The following KLF8 variants were observed in gnomAD, a reference collection of about 807,000 sequenced individuals.
The protein encoded by KLF8 is KLF transcription factor 8.
A neutral mutation model predicts 18.2 loss-of-function variants in KLF8; 10 were observed. The observed-to-expected ratio is 0.55, with a 90% CI of 0.34 to 0.93. The LOEUF (loss-of-function observed/expected upper bound fraction) is 0.93, where lower values mean the gene tolerates loss of function less well. KLF8 is among the 40% of genes least tolerant of loss of function. The pLI is 0.02. For missense variants in KLF8, 264 were observed against 277.9 expected (o/e 0.95, Z 0.36); for synonymous variants, 109 against 97.3 (o/e 1.12, Z -0.71).
chrX:56,218,754 A>T, the KLF8 span, among the ~76,000 whole-genome samples: 2 of 112,175 alleles, frequency 1.8e-5, no homozygotes, highest in East Asian at 5.6e-4. Flanking sequence ...CTTCTCAGAA[A>T]CTATCCACTC....
chrX:55,988,071 GTT>G, the KLF8 span, among the ~76,000 whole-genome samples: 1 of 111,641 alleles, frequency 9.0e-6, no homozygotes, highest in Admixed American at 9.5e-5. Flanking sequence ...TTGTAAATTT[GTT>G]TGAGTTCATT....
the KLF8 span, among the ~76,000 whole-genome samples, chrX:55,991,286 G>C: frequency 1.8e-5 from 2 of 112,262 alleles, no homozygotes; most frequent in African/African-American, 6.5e-5. Context: ...GGCTCTGTGG[G>C]CGTAGGACCC....
At chrX:55,939,439 T>G in the KLF8 span, among the ~76,000 whole-genome samples, 2 of 110,654 alleles carry the variant, frequency 1.8e-5, no homozygotes, top group South Asian at 7.7e-4. Flanking sequence ...GATCTAAAAT[T>G]GACACCCTAA....
At chrX:56,186,857 T>A in the KLF8 span, among the ~76,000 whole-genome samples, 1 of 111,947 alleles carries the variant, frequency 8.9e-6, no homozygotes, top group South Asian at 3.7e-4. Context: ...TACCAGAATC[T>A]CTGGGCATAT....
chrX:56,076,053 G>A, the KLF8 span, among the ~76,000 whole-genome samples: 141 of 109,424 alleles, frequency 1.3e-3, no homozygotes, highest in Middle Eastern at 0.019. Context: ...GTGAGAATAT[G>A]CAGTGTTTGG....
At chrX:56,102,272 T>G in the KLF8 span, among the ~76,000 whole-genome samples, 1 of 111,379 alleles carries the variant, frequency 9.0e-6, no homozygotes, top group Non-Finnish European at 1.9e-5. Context: ...GCATGTGGCT[T>G]TATTTCTATA....
At chrX:56,186,737 C>A in the KLF8 span, among the ~76,000 whole-genome samples, 1 of 112,020 alleles carries the variant, frequency 8.9e-6, no homozygotes, top group Non-Finnish European at 1.9e-5. Context: ...CAAAACCACT[C>A]AACTACATGG....
At chrX:56,051,281 A>G in the KLF8 span, among the ~76,000 whole-genome samples, 9 of 109,855 alleles carry the variant, frequency 8.2e-5, no homozygotes, top group East Asian at 2.6e-3. Context: ...TAAAGTTAAT[A>G]TTGTTACGTG....
upstream of KLF8, among the ~76,000 whole-genome samples, chrX:56,228,423 G>T (rs767037103): frequency 8.9e-6 from 1 of 111,876 alleles, no homozygotes; most frequent in African/African-American, 3.2e-5. Context: ...TTGGAAAGGG[G>T]CGTAAAGCTT....
At chrX:55,946,255 C>A in the KLF8 span, among the ~76,000 whole-genome samples, 1 of 111,711 alleles carries the variant, frequency 9.0e-6, no homozygotes, top group African/African-American at 3.3e-5. Flanking sequence ...GCTACAGTAA[C>A]CAAAACAGCA....
At chrX:56,209,139 G>A in the KLF8 span, among the ~76,000 whole-genome samples, 1 of 111,560 alleles carries the variant, frequency 9.0e-6, no homozygotes, top group Non-Finnish European at 1.9e-5. Context: ...TTGCTGTCGT[G>A]TTGGGTGCAA....
chrX:56,006,793 C>T, the KLF8 span, among the ~76,000 whole-genome samples: 1 of 112,333 alleles, frequency 8.9e-6, no homozygotes, highest in Non-Finnish European at 1.9e-5. Flanking sequence ...TACAGGTTGT[C>T]TCTTCAGTCT....
chrX:56,089,069 A>T, the KLF8 span, among the ~76,000 whole-genome samples: 3 of 111,163 alleles, frequency 2.7e-5, no homozygotes, highest in Non-Finnish European at 5.7e-5. Flanking sequence ...TGTATTACTT[A>T]CTAGTTTTAT....
the KLF8 span, among the ~76,000 whole-genome samples, chrX:56,203,459 G>T: frequency 2.7e-5 from 3 of 111,911 alleles, no homozygotes; most frequent in Non-Finnish European, 5.6e-5. Flanking sequence ...TTTTGCTTTG[G>T]TTACCTGTGC....
chrX:56,074,662 C>A, the KLF8 span: 1 of 159,370 alleles, frequency 6.3e-6, no homozygotes, highest in South Asian at 1.0e-4. Flanking sequence ...TATTTCTATA[C>A]CAGTAACACA....
the KLF8 span, among the ~76,000 whole-genome samples, chrX:55,912,377 G>A: frequency 9.0e-6 from 1 of 111,116 alleles, no homozygotes; most frequent in Non-Finnish European, 1.9e-5. Flanking sequence ...AGGTGGAGAA[G>A]GAATATGCCT....
the KLF8 span, among the ~76,000 whole-genome samples, chrX:56,104,952 C>G: frequency 1.8e-5 from 2 of 111,967 alleles, no homozygotes; most frequent in East Asian, 5.6e-4. Flanking sequence ...ATCTTTATGT[C>G]TGCATTCATT....
intron 4 of KLF8, 36 bp downstream of exon 4, chrX:56,269,525 ATGTGTGTG>A (rs35519867): frequency 6.2e-4 from 637 of 1,035,387 alleles, no homozygotes; most frequent in Non-Finnish European, 7.8e-4. Context: ...GTCTTTGTGT[ATGTGTGTG>A]TGTGTGTGTG....
chrX:56,044,237 G>T, the KLF8 span, among the ~76,000 whole-genome samples: 1 of 111,524 alleles, frequency 9.0e-6, no homozygotes, highest in Non-Finnish European at 1.9e-5. Context: ...ACCTGTATAT[G>T]ATGGCTGGAG....
Sources: gnomAD v4.1 joint callset for allele counts (sites outside exome capture counted in the v4.1 genomes callset) on GRCh38, gnomAD v4.1.1 for gene constraint, MANE v1.5 for transcripts, NCBI Gene and HGNC (gene_info 2026-07-23, HGNC 2026-07-21) for gene names.